Variants in ZNF12 observed in about 807,000 individuals in gnomAD.
ZNF12 encodes the protein zinc finger protein 12.
In ZNF12, 34 loss-of-function variants were observed where a neutral mutation model predicts 66.6. The ratio of observed to expected loss-of-function variants is 0.51; its 90% confidence interval spans 0.39 to 0.68. The LOEUF is 0.68. Ranked by LOEUF, ZNF12 falls within the 30% of genes least tolerant of loss-of-function variation. The pLI, the probability that ZNF12 is intolerant of heterozygous loss-of-function variation, is 0.00. For missense variants in ZNF12, 697 were observed against 826.9 expected, an observed-to-expected ratio of 0.84 and a Z score of 1.93; for synonymous variants, 320 against 278.9, an observed-to-expected ratio of 1.15 and a Z score of -1.47.
rs939404575 is a variant in ZNF12, at chr7:6,705,651, G to C, written c.-50-428C>G. On this transcript the variant is annotated intron_variant, in intron 1 of 4. Coordinates refer to ENST00000405858, the MANE Select transcript of ZNF12 (RefSeq NM_016265.4). The surrounding 1 kb of genome is among the most constrained non-coding windows in gnomAD (Gnocchi z 4.0). ...GGAGAATCGCTTGAACCCGGGAGGCGGAGGTTGCAGTGAGCTGGGATGGCA... is the reference window on the plus strand; with the variant it reads ...GGAGAATCGCTTGAACCCGGGAGGCCGAGGTTGCAGTGAGCTGGGATGGCA... 6.6e-6 allele frequency among the ~76,000 whole-genome samples: 1 copy of C among 151,772 alleles called. No individual in the cohort carries two copies. Among genetic ancestry groups the C allele is most frequent in the Non-Finnish European group, 1.5e-5 (1 of 67,986 alleles).
chr7:6,701,807 C>T (rs1243149518), intron 2 of ZNF12, among the ~76,000 whole-genome samples: 1 of 152,116 alleles, frequency 6.6e-6, no homozygotes, highest in East Asian at 1.9e-4. Context: ...ACTCCATGGG[C>T]AACAACTATT....
chr7:6,706,427 C>T lies in ZNF12; in HGVS notation c.-51+5G>A, dbSNP rs777259041. On this transcript the variant is annotated splice_donor_5th_base_variant and intron_variant, in intron 1 of 4. Transcript: ENST00000405858. ...TCGCCCCGGGCCCGCAAACCCACGA[C>T]TTACCCTCCTGGGGCTCCGCAGCCT... The T allele has an allele frequency of 4.1e-4, 194 of 475,544 alleles. No homozygotes were observed. The highest frequency in any genetic ancestry group is 6.4e-4 in the South Asian group (42 of 65,976). 29.5% of individuals were successfully genotyped at this position (475,544 alleles called of 1,614,324 possible).
At position 6,698,278 on chromosome 7, in the gene ZNF12, G is replaced by GC. The variant is rs5882103; in HGVS notation, c.16-468dup. On this transcript the variant is annotated intron_variant, in intron 2 of 4. Transcript: ENST00000405858. The surrounding 1 kb of genome is among the most constrained non-coding windows in gnomAD (Gnocchi z 4.4). ...CTCCAAGTCATCCTGAATGTTGTGGGCCTACGGCTGTCTTGAGTCTTTTTC... is the reference window on the plus strand; with the variant it reads ...CTCCAAGTCATCCTGAATGTTGTGGGCCCTACGGCTGTCTTGAGTCTTTTTC... Among the ~76,000 whole-genome samples, 152,314 of 152,316 alleles carry GC rather than the reference G, an allele frequency of 1. 76,156 individuals are homozygous for GC. Among genetic ancestry groups the GC allele is most frequent in the Middle Eastern group, 1 (294 of 294 alleles).
At position 6,689,215 on chromosome 7, in the gene ZNF12, G is replaced by A. The variant is rs1780030440; in HGVS notation, c.*1633C>T. ...GGAGGAGTGGCTACAAGGCTGCTTG[G>A]TTTGGTGGCTCAAAGACATCATCCA... On this transcript the variant is annotated 3_prime_UTR_variant, in exon 5 of 5. Coordinates refer to ENST00000405858, the MANE Select transcript of ZNF12 (RefSeq NM_016265.4). 1 of 152,206 alleles carries A rather than the reference G, an allele frequency of 6.6e-6. No individual in the cohort carries two copies. The highest frequency in any genetic ancestry group is 2.4e-5 in the African/African-American group (1 of 41,448). The allele number at this position is 152,206 out of a possible 1,614,324, so 9.4% of individuals were successfully genotyped here. A position where few individuals can be genotyped will look rare whatever the true frequency, so the allele number is the denominator to read the frequency against.
In ZNF12 at chr7:6,706,437, T is replaced by TG. The variant is rs1562604048; in HGVS notation, c.-57dup. On this transcript the variant is annotated 5_prime_UTR_variant, in exon 1 of 5. Transcript: ENST00000405858. Reference sequence around the variant, plus strand: ...CCCGCAAACCCACGACTTACCCTCCTGGGGCTCCGCAGCCTCTGCCCCACC... The same window carrying TG: ...CCCGCAAACCCACGACTTACCCTCCTGGGGGCTCCGCAGCCTCTGCCCCACC... The TG allele has an allele frequency of 4.2e-6, 2 of 477,478 alleles. No individual in the cohort carries two copies. The allele number at this position is 477,478 out of a possible 1,614,324, so 29.6% of individuals were successfully genotyped here.
chr7:6,706,646 G>C lies in ZNF12; in HGVS notation c.-265C>G. On this transcript the variant is annotated 5_prime_UTR_variant, in exon 1 of 5. Transcript: ENST00000405858. ...TCTCCCTGGGGCTCACCGTCCTGCG[G>C]AGCCGGGGCCGGGCCGTCGAGGACG... 2.5e-6 allele frequency: 1 copy of C among 395,488 alleles called. No homozygotes were observed. The highest frequency in any genetic ancestry group is 9.0e-5 in the East Asian group (1 of 11,060). The allele number at this position is 395,488 out of a possible 1,614,324, so 24.5% of individuals were successfully genotyped here. A position where few individuals can be genotyped will look rare whatever the true frequency, so the allele number is the denominator to read the frequency against.
At position 6,697,452 on chromosome 7, in the gene ZNF12, A is replaced by C. The variant is rs1239012006; in HGVS notation, c.143-18T>G. ...GTGATACCCTGTTAATGAGAAATGA[A>C]AGAGAACTTGAGCCCAGGCCGGTTG... On this transcript the variant is annotated intron_variant, in intron 3 of 4. Transcript: ENST00000405858. The surrounding 1 kb of genome is among the most constrained non-coding windows in gnomAD (Gnocchi z 6.1). 6.2e-7 allele frequency: 1 copy of C among 1,605,652 alleles called. No homozygotes were observed. Among genetic ancestry groups the C allele is most frequent in the Non-Finnish European group, 8.5e-7 (1 of 1,175,390 alleles).
Position 6,696,146 on chromosome 7 carries a change from C to G in ZNF12, c.238+1193G>C, listed in dbSNP as rs1328491074. ...AGATGAAGACATACTGCAAATCCAG[C>G]TAGGACTCATAGCATGACAGCATCT... On this transcript the variant is annotated intron_variant, in intron 4 of 4. Transcript: ENST00000405858. This position sits in a 1 kb window ranked among gnomAD's most constrained non-coding sequence, Gnocchi z 4.0. Among the ~76,000 whole-genome samples the G allele has an allele frequency of 6.6e-6, 1 of 152,114 alleles. No individual in the cohort carries two copies. The highest frequency in any genetic ancestry group is 1.5e-5 in the Non-Finnish European group (1 of 68,010).
At chr7:6,694,766 G>GA (rs1027107514) in intron 4 of ZNF12, among the ~76,000 whole-genome samples, 14 of 151,966 alleles carry the variant, frequency 9.2e-5, no homozygotes, top group African/African-American at 3.1e-4. Flanking sequence ...TTCCATGCTT[G>GA]AAAAAAATAC....
In ZNF12 at chr7:6,705,201, G is replaced by A. The variant is rs759153362; in HGVS notation, c.-28C>T. The A allele has an allele frequency of 6.2e-6, 10 of 1,613,500 alleles. No individual in the cohort carries two copies. Among genetic ancestry groups the A allele is most frequent in the Non-Finnish European group, 7.6e-6 (9 of 1,179,696 alleles). On this transcript the variant is annotated 5_prime_UTR_variant, in exon 2 of 5. Coordinates refer to ENST00000405858, the MANE Select transcript of ZNF12 (RefSeq NM_016265.4). This position sits in a 1 kb window ranked among gnomAD's most constrained non-coding sequence, Gnocchi z 4.0. ...TCTGCTGCTCTTGGAAAAATCTGGAGGACTGTGAAAGCGGAGGCAGATCTG... is the reference window on the plus strand; with the variant it reads ...TCTGCTGCTCTTGGAAAAATCTGGAAGACTGTGAAAGCGGAGGCAGATCTG...
Position 6,705,254 on chromosome 7 carries a change from A to G in ZNF12, c.-50-31T>C, listed in dbSNP as rs755230997. ...GAAGGAAAACCCAAGCCATGGCGTT[A>G]TGAGCGGTCTGGCCTGCCAAGGCGG... On this transcript the variant is annotated intron_variant, in intron 1 of 4. Coordinates refer to ENST00000405858, the MANE Select transcript of ZNF12 (RefSeq NM_016265.4). This position sits in a 1 kb window ranked among gnomAD's most constrained non-coding sequence, Gnocchi z 4.0. 2.3e-5 allele frequency: 36 copies of G among 1,581,426 alleles called. No individual in the cohort carries two copies. The Admixed American group carries it at 4.4e-4, about 20-fold the overall frequency.
In ZNF12 at chr7:6,697,493, T is replaced by A. The variant is rs1780171716; in HGVS notation, c.143-59A>T. 1 of 1,553,240 alleles carries A rather than the reference T, an allele frequency of 6.4e-7. No homozygotes were observed. Among genetic ancestry groups the A allele is most frequent in the South Asian group, 1.1e-5 (1 of 87,224 alleles). ...AGGCCGGTTGGCTTCAGGGTCTCTGTCATACAGGGAAAATTCCATTTGTGT... is the reference window on the plus strand; with the variant it reads ...AGGCCGGTTGGCTTCAGGGTCTCTGACATACAGGGAAAATTCCATTTGTGT... On this transcript the variant is annotated intron_variant, in intron 3 of 4. Coordinates refer to ENST00000405858, the MANE Select transcript of ZNF12 (RefSeq NM_016265.4). This position sits in a 1 kb window ranked among gnomAD's most constrained non-coding sequence, Gnocchi z 6.1.
In ZNF12 at chr7:6,696,012, T is replaced by C. The variant is rs10271995; in HGVS notation, c.238+1327A>G. On this transcript the variant is annotated intron_variant, in intron 4 of 4. Coordinates refer to ENST00000405858, the MANE Select transcript of ZNF12 (RefSeq NM_016265.4). The surrounding 1 kb of genome is among the most constrained non-coding windows in gnomAD (Gnocchi z 4.0). ...TTTTCCAGGTAATACAGGCCTAATA[T>C]TGTTGAGATCCTTAAGGGACAAGGA... Among the ~76,000 whole-genome samples, 3,027 of 152,312 alleles carry C rather than the reference T, an allele frequency of 0.02. 99 individuals are homozygous for C. The highest frequency in any genetic ancestry group is 0.069 in the African/African-American group (2,850 of 41,562).
chr7:6,705,317 A>T lies in ZNF12; in HGVS notation c.-50-94T>A. 2 of 903,182 alleles carry T rather than the reference A, an allele frequency of 2.2e-6. No homozygotes were observed. Among genetic ancestry groups the T allele is most frequent in the Non-Finnish European group, 3.4e-6 (2 of 580,508 alleles). The allele number at this position is 903,182 out of a possible 1,614,324, so 55.9% of individuals were successfully genotyped here. On this transcript the variant is annotated intron_variant, in intron 1 of 4. Coordinates refer to ENST00000405858, the MANE Select transcript of ZNF12 (RefSeq NM_016265.4). This position sits in a 1 kb window ranked among gnomAD's most constrained non-coding sequence, Gnocchi z 4.0. ...CAAAACCTACACAGAAAGTTCCAAG[A>T]AGTACATCTTGTGGGAGACTGTCCC...
chr7:6,693,321 AACAGCCCTAT>A (rs1421815336), intron 4 of ZNF12, among the ~76,000 whole-genome samples: 2 of 152,246 alleles, frequency 1.3e-5, no homozygotes, highest in Non-Finnish European at 2.9e-5. Context: ...TGTTTAAAGG[AACAGCCCTAT>A]AACCAGGGCA....
rs1224015287 is a variant in ZNF12, at chr7:6,696,966, G to T, written c.238+373C>A. Among the ~76,000 whole-genome samples, 4 of 146,548 alleles carry T rather than the reference G, an allele frequency of 2.7e-5. No individual in the cohort carries two copies. Among genetic ancestry groups the T allele is most frequent in the African/African-American group, 7.6e-5 (3 of 39,536 alleles). On this transcript the variant is annotated intron_variant, in intron 4 of 4. Transcript: ENST00000405858. This position sits in a 1 kb window ranked among gnomAD's most constrained non-coding sequence, Gnocchi z 4.0. ...ACAGTCTCAGGCACTGCACGGTAAA[G>T]ATTAAAAAAAAAAAACCAGAAGTTA...
rs1170610353 is a variant in ZNF12, at chr7:6,690,088, T to A, written c.*760A>T. 6.6e-6 allele frequency: 1 copy of A among 152,214 alleles called. No individual in the cohort carries two copies. Among genetic ancestry groups the A allele is most frequent in the Non-Finnish European group, 1.5e-5 (1 of 68,020 alleles). 9.4% of individuals were successfully genotyped at this position (152,214 alleles called of 1,614,324 possible). A position where few individuals can be genotyped will look rare whatever the true frequency, so the allele number is the denominator to read the frequency against. Reference sequence around the variant, plus strand: ...TACAGTTGAAAACATTATAAAAGCATTGGTCCTTTAGAGCTGATATTGTTC... The same window carrying A: ...TACAGTTGAAAACATTATAAAAGCAATGGTCCTTTAGAGCTGATATTGTTC... On this transcript the variant is annotated 3_prime_UTR_variant, in exon 5 of 5. Transcript: ENST00000405858.
At chr7:6,695,714 G>A (rs535955557) in intron 4 of ZNF12, among the ~76,000 whole-genome samples, 4 of 152,284 alleles carry the variant, frequency 2.6e-5, no homozygotes, top group Non-Finnish European at 5.9e-5. Flanking sequence ...AGACACTATC[G>A]AATAACAGAT....
At chr7:6,702,462 C>CACCAGATTCGTCTCCCAAACTCCACAA (rs1780266582) in intron 2 of ZNF12, among the ~76,000 whole-genome samples, 1 of 72,480 alleles carries the variant, frequency 1.4e-5, no homozygotes, top group Admixed American at 1.4e-4. Context: ...AAACTCCACA[C>CACCAGATTCGTCTCCCAAACTCCACAA]GCACCAGATT....
Sources: gnomAD v4.1 joint callset for allele counts (sites outside exome capture counted in the v4.1 genomes callset) on GRCh38, gnomAD v4.1.1 for gene constraint, Gnocchi (gnomAD v3.1) non-coding constraint, MANE v1.5 for transcripts, NCBI Gene and HGNC (gene_info 2026-07-23, HGNC 2026-07-21) for gene names.